TRMT9B: variants seen among roughly 807,000 people sequenced by gnomAD.
TRMT9B encodes tRNA methyltransferase 9B (putative).
TRMT9B carries 16 observed loss-of-function variants against 11.5 expected under a neutral mutation model. The ratio of observed to expected loss-of-function variants is 1.39; its 90% confidence interval spans 0.94 to 2.11. TRMT9B has a LOEUF of 2.11. TRMT9B is among the 30% of genes most tolerant of loss of function. The pLI is 0.00. For synonymous variants in TRMT9B, 274 were observed against 192.4 expected, an observed-to-expected ratio of 1.42 and a Z score of -3.51; for missense variants, 941 against 553.8, an observed-to-expected ratio of 1.70 and a Z score of -7.02.
intron 1 of TRMT9B, among the ~76,000 whole-genome samples, chr8:12,989,728 TA>T (rs1372169141): frequency 2.0e-5 from 3 of 152,216 alleles, no homozygotes; most frequent in African/African-American, 7.2e-5. Context: ...TACCCTGTCA[TA>T]GGGACTCAGT....
intron 1 of TRMT9B, among the ~76,000 whole-genome samples, chr8:12,971,428 G>C (rs2128868591): frequency 6.6e-6 from 1 of 152,266 alleles, no homozygotes; most frequent in South Asian, 2.1e-4. Flanking sequence ...GAAATCCTCT[G>C]AGTTCTACTT....
rs1020237080 is a variant in TRMT9B, at chr8:12,964,562, T to C, written c.-200+18596T>C. On this transcript the variant is annotated intron_variant, in intron 1 of 4. Coordinates refer to ENST00000524591, the MANE Select transcript of TRMT9B (RefSeq NM_020844.3). The stretch of plus-strand genomic sequence containing the variant: ...AGTTTTTAACTCTAAATAATTGCTT[T>C]TTGTTTGTTTTTGCTTGTTCGTTTG... Among the ~76,000 whole-genome samples the C allele has an allele frequency of 7.0e-4, 106 of 152,184 alleles. 2 individuals carry two copies. Among genetic ancestry groups the C allele is most frequent in the Non-Finnish European group, 1.5e-5 (1 of 68,036 alleles).
At chr8:12,955,106 T>C (rs141800217) in intron 1 of TRMT9B, among the ~76,000 whole-genome samples, 250 of 152,322 alleles carry the variant, frequency 1.6e-3, no homozygotes, top group African/African-American at 5.8e-3. Flanking sequence ...TAATAGACTC[T>C]AGAACTGAAT....
At chr8:13,018,171 G>A (rs1220736268) in intron 4 of TRMT9B, among the ~76,000 whole-genome samples, 1 of 151,034 alleles carries the variant, frequency 6.6e-6, no homozygotes, top group African/African-American at 2.4e-5. Flanking sequence ...GGAGGCTGAG[G>A]CAGGAGGATG....
chr8:13,007,666 T>G (rs898294550), intron 3 of TRMT9B: 1 of 152,120 alleles, frequency 6.6e-6, no homozygotes, highest in Non-Finnish European at 1.5e-5. Flanking sequence ...AGTTTCGGAG[T>G]GTGCAGTGAG....
chr8:12,968,964 C>T (rs576494103), intron 1 of TRMT9B, among the ~76,000 whole-genome samples: 1 of 152,316 alleles, frequency 6.6e-6, no homozygotes, highest in African/African-American at 2.4e-5. Flanking sequence ...GTAATCCCAG[C>T]ACTTTGGGAG....
At chr8:12,975,841 C>G (rs1005824263) in intron 1 of TRMT9B, among the ~76,000 whole-genome samples, 19 of 152,128 alleles carry the variant, frequency 1.2e-4, no homozygotes, top group African/African-American at 4.1e-4. Context: ...ACCATATTTG[C>G]CAGATATGGT....
intron 1 of TRMT9B, among the ~76,000 whole-genome samples, chr8:12,963,318 C>T (rs147639988): frequency 0.052 from 7,963 of 151,910 alleles, 229 homozygotes; most frequent in African/African-American, 0.069. Flanking sequence ...CTGTAATCCC[C>T]GCTACTCAGG....
intron 2 of TRMT9B, among the ~76,000 whole-genome samples, chr8:13,003,379 C>T (rs868069013): frequency 2.3e-4 from 35 of 152,266 alleles, no homozygotes; most frequent in Middle Eastern, 3.4e-3. Context: ...GGGACCTGCT[C>T]TTGTGCTTTT....
intron 1 of TRMT9B, among the ~76,000 whole-genome samples, chr8:12,950,978 A>C (rs1050561493): frequency 1.3e-5 from 2 of 152,174 alleles, no homozygotes; most frequent in Non-Finnish European, 2.9e-5. Context: ...AAGAACGTGC[A>C]TTTTTAAAGT....
At chr8:12,962,060 A>G (rs1802191095) in intron 1 of TRMT9B, 1 of 152,230 alleles carries the variant, frequency 6.6e-6, no homozygotes, top group East Asian at 1.9e-4. Context: ...ACCATCCACA[A>G]GTTTCTCCAA....
At chr8:12,966,654 G>C (rs10108595) in intron 1 of TRMT9B, among the ~76,000 whole-genome samples, 2 of 152,130 alleles carry the variant, frequency 1.3e-5, no homozygotes, top group African/African-American at 2.4e-5. Flanking sequence ...TATTTAGCCT[G>C]GGACTTCTTT....
chr8:12,960,081 C>T (rs1254622845), intron 1 of TRMT9B: 2 of 152,156 alleles, frequency 1.3e-5, no homozygotes, highest in African/African-American at 4.8e-5. Context: ...TTAAGTAACA[C>T]AATTTCCACT....
chr8:13,020,887 G>A, intron 4 of TRMT9B, 121 bp from the exon 5 acceptor site: 1 of 606,634 alleles, frequency 1.6e-6, no homozygotes, highest in Non-Finnish European at 2.7e-6. Context: ...TGCCATGGAG[G>A]AAATAAGAAG....
chr8:13,028,017 G>A lies in TRMT9B; in HGVS notation c.*5973G>A, dbSNP rs1814900120. 6.0e-6 allele frequency: 1 copy of A among 166,882 alleles called. No homozygotes were observed. Among genetic ancestry groups the A allele is most frequent in the African/African-American group, 2.4e-5 (1 of 41,422 alleles). 10.3% of individuals were successfully genotyped at this position (166,882 alleles called of 1,614,324 possible). On this transcript the variant is annotated 3_prime_UTR_variant, in exon 5 of 5. Transcript: ENST00000524591. The stretch of plus-strand genomic sequence containing the variant: ...GATTGAAATTGTATTGCAAATGAAA[G>A]AGCTCAGCATGAGAGCACAATCAGA...
intron 4 of TRMT9B, among the ~76,000 whole-genome samples, chr8:13,013,465 T>A (rs373066330): frequency 6.6e-6 from 1 of 152,122 alleles, no homozygotes; most frequent in Non-Finnish European, 1.5e-5. Flanking sequence ...AAAACACACA[T>A]GCCAAAAAAT....
At chr8:12,970,636 A>G (rs907634576) in intron 1 of TRMT9B, among the ~76,000 whole-genome samples, 5 of 152,242 alleles carry the variant, frequency 3.3e-5, no homozygotes, top group African/African-American at 4.8e-5. Flanking sequence ...GCAGCTGTCA[A>G]TATTAATACT....
rs190637608 is a variant in TRMT9B at position 13,026,859 on chromosome 8, A to G, written c.*4815A>G. The G allele has an allele frequency of 1.1e-4, 18 of 167,244 alleles. No individual in the cohort carries two copies. The highest frequency in any genetic ancestry group is 2.1e-4 in the South Asian group (1 of 4,824). The allele number at this position is 167,244 out of a possible 1,614,324, so 10.4% of individuals were successfully genotyped here. A position where few individuals can be genotyped will look rare whatever the true frequency, so the allele number is the denominator to read the frequency against. On this transcript the variant is annotated 3_prime_UTR_variant, in exon 5 of 5. Coordinates refer to ENST00000524591, the MANE Select transcript of TRMT9B (RefSeq NM_020844.3). Reference sequence around the variant, plus strand: ...AGAGCCTTTCAAGGTAAGTGTGATTATCCCCTTTCCAAATGAGCTTTGGAA... The same window carrying G: ...AGAGCCTTTCAAGGTAAGTGTGATTGTCCCCTTTCCAAATGAGCTTTGGAA...
chr8:12,983,623 T>C (rs528883904), intron 1 of TRMT9B, among the ~76,000 whole-genome samples: 6 of 152,284 alleles, frequency 3.9e-5, no homozygotes, highest in African/African-American at 1.4e-4. Flanking sequence ...TGAGCCAAGA[T>C]GGTGTCACTG....
Sources: gnomAD v4.1 joint callset for allele counts (sites outside exome capture counted in the v4.1 genomes callset) on GRCh38, gnomAD v4.1.1 for gene constraint, MANE v1.5 for transcripts, NCBI Gene and HGNC (gene_info 2026-07-23, HGNC 2026-07-21) for gene names.